NELL1: variants seen among roughly 807,000 people sequenced by gnomAD.
NELL1 encodes neural EGFL like 1, also known as protein kinase C-binding protein NELL1.
NELL1 carries 76 observed loss-of-function variants against 107.4 expected under a neutral mutation model. The observed-to-expected ratio is 0.71, with a 90% CI of 0.59 to 0.86. The LOEUF (loss-of-function observed/expected upper bound fraction) is 0.86, where lower values mean the gene tolerates loss of function less well. Among genes scored for constraint, NELL1 ranks in the 40% least tolerant of loss-of-function variants. The pLI is 0.00. For synonymous variants in NELL1, 353 were observed against 341.2 expected, an observed-to-expected ratio of 1.03 and a Z score of -0.38; for missense variants, 1,024 against 1,005.5, an observed-to-expected ratio of 1.02 and a Z score of -0.25.
intron 12 of NELL1, among the ~76,000 whole-genome samples, chr11:21,068,606 T>C (rs1853937429): frequency 6.6e-6 from 1 of 152,148 alleles, no homozygotes; most frequent in Non-Finnish European, 1.5e-5. Context: ...CACATAATAC[T>C]TGAAAACACA....
rs545617107 is a variant in NELL1 at position 21,118,554 on chromosome 11, A to G, written c.1426+4840A>G. On this transcript the variant is annotated intron_variant, in intron 13 of 19. Coordinates refer to ENST00000357134, the MANE Select transcript of NELL1 (RefSeq NM_006157.5). ...TTTGCCTGTGTAATAAATGAGGTGT[A>G]TGATAGATATCTGCCACTATAAAAT... 7.9e-5 allele frequency among the ~76,000 whole-genome samples: 12 copies of G among 152,192 alleles called. No homozygotes were observed. The South Asian group carries it at 2.1e-3, about 26-fold the overall frequency.
intron 2 of NELL1, among the ~76,000 whole-genome samples, chr11:20,750,562 AATTATTATT>A (rs113562957): frequency 1.0e-4 from 15 of 149,570 alleles, no homozygotes; most frequent in African/African-American, 2.0e-4. Flanking sequence ...TGTACCTCGG[AATTATTATT>A]ATTATTATTA....
At chr11:21,030,608 T>C (rs1852929288) in intron 12 of NELL1, among the ~76,000 whole-genome samples, 1 of 149,590 alleles carries the variant, frequency 6.7e-6, no homozygotes, top group Non-Finnish European at 1.5e-5. Context: ...TATTTTCTTA[T>C]GTTATTTTCT....
intron 14 of NELL1, among the ~76,000 whole-genome samples, chr11:21,265,633 G>T (rs1848620182): frequency 6.6e-6 from 1 of 151,970 alleles, no homozygotes; most frequent in African/African-American, 2.4e-5. Flanking sequence ...CATCCAATAA[G>T]TCTCAAGAGC....
At chr11:20,939,001 C>T (rs1200629259) in intron 10 of NELL1, among the ~76,000 whole-genome samples, 1 of 151,274 alleles carries the variant, frequency 6.6e-6, no homozygotes, top group Non-Finnish European at 1.5e-5. Flanking sequence ...CTGTGCATTT[C>T]CAAAGGTCAC....
chr11:20,928,391 A>G lies in NELL1; in HGVS notation c.909A>G (p.Glu303=). The G allele has an allele frequency of 6.2e-7, 1 of 1,613,918 alleles. No homozygotes were observed. The highest frequency in any genetic ancestry group is 8.5e-7 in the Non-Finnish European group (1 of 1,179,850). ...RNCTCKSGAV[E]CRRMSCPPLN... ...TCCTTCCTCAGAGTGGTGCCGTGGA[A>G]TGCCGAAGGATGTCCTGTCCCCCTC... Residue 303 remains glutamate (E), a synonymous_variant, in exon 9 of 20, where the codon GAA becomes GAG. Transcript: ENST00000357134.
At chr11:21,106,537 A>G (rs576838340) in intron 12 of NELL1, among the ~76,000 whole-genome samples, 3 of 152,182 alleles carry the variant, frequency 2.0e-5, no homozygotes, top group South Asian at 4.1e-4. Context: ...ACTTTTTATT[A>G]CCATTGGCCT....
chr11:21,247,570 A>G (rs889216308), intron 14 of NELL1, among the ~76,000 whole-genome samples: 12 of 152,138 alleles, frequency 7.9e-5, no homozygotes, highest in African/African-American at 2.7e-4. Context: ...GCACGCATGG[A>G]GGTGTCATCT....
chr11:21,326,928 G>A (rs573978791), intron 14 of NELL1, among the ~76,000 whole-genome samples: 130 of 151,896 alleles, frequency 8.6e-4, no homozygotes, highest in Admixed American at 1.5e-3. Flanking sequence ...TGTTTTCTAC[G>A]TCTTGTGTCC....
chr11:21,333,433 A>C (rs1159919017), intron 14 of NELL1, among the ~76,000 whole-genome samples: 1 of 152,100 alleles, frequency 6.6e-6, no homozygotes, highest in Non-Finnish European at 1.5e-5. Flanking sequence ...GAAAGATTAA[A>C]AGATGAAGAT....
chr11:21,158,683 A>C (rs116267989), intron 13 of NELL1, among the ~76,000 whole-genome samples: 1,539 of 152,288 alleles, frequency 0.01, 23 homozygotes, highest in African/African-American at 0.035. Context: ...CAGCCTTCAT[A>C]TCATATCTAC....
intron 15 of NELL1, among the ~76,000 whole-genome samples, chr11:21,475,330 A>G (rs964114000): frequency 6.6e-6 from 1 of 152,242 alleles, no homozygotes; most frequent in East Asian, 1.9e-4. Flanking sequence ...TATGTGCCAC[A>G]TGTCCCCAGC....
At position 20,935,460 on chromosome 11, in the gene NELL1, T is replaced by C. The variant is rs576393136; in HGVS notation, c.998-2326T>C. Reference sequence around the variant, plus strand: ...AGAGATAAAGCATGGCTAGAACATATGTGGAGGTGTGGATGTTTTGTAGGG... The same window carrying C: ...AGAGATAAAGCATGGCTAGAACATACGTGGAGGTGTGGATGTTTTGTAGGG... On this transcript the variant is annotated intron_variant, in intron 9 of 19. Coordinates refer to ENST00000357134, the MANE Select transcript of NELL1 (RefSeq NM_006157.5). Among the ~76,000 whole-genome samples the C allele has an allele frequency of 2.6e-5, 4 of 152,130 alleles. No individual in the cohort carries two copies. The East Asian group carries it at 7.8e-4, about 30-fold the overall frequency.
intron 13 of NELL1, among the ~76,000 whole-genome samples, chr11:21,130,641 T>G (rs990305791): frequency 2.0e-5 from 3 of 152,210 alleles, no homozygotes; most frequent in Non-Finnish European, 4.4e-5. Context: ...TGGTATTACA[T>G]TTTCCCTGCT....
chr11:21,251,562 C>T (rs939513771), intron 14 of NELL1, among the ~76,000 whole-genome samples: 3 of 151,938 alleles, frequency 2.0e-5, no homozygotes, highest in Non-Finnish European at 4.4e-5. Flanking sequence ...CCATCAACAG[C>T]AAGTGCAGAC....
At chr11:20,895,791 C>T (rs186586650) in intron 5 of NELL1, among the ~76,000 whole-genome samples, 23 of 152,222 alleles carry the variant, frequency 1.5e-4, no homozygotes, top group Admixed American at 6.5e-4. Context: ...CAGGCCTGAG[C>T]CACTGCGCCT....
At chr11:20,884,656 CT>C (rs1439173534) in intron 4 of NELL1, among the ~76,000 whole-genome samples, 43 of 152,156 alleles carry the variant, frequency 2.8e-4, no homozygotes, top group African/African-American at 1.0e-3. Context: ...TCGGTAGGCT[CT>C]GCTAGAAACT....
At chr11:21,304,559 C>G (rs747697804) in intron 14 of NELL1, among the ~76,000 whole-genome samples, 27 of 145,948 alleles carry the variant, frequency 1.8e-4, no homozygotes, top group Non-Finnish European at 2.7e-4. Flanking sequence ...AAATCAGCTT[C>G]TTTTGTCTGT....
At chr11:20,764,990 C>T (rs977343273) in intron 2 of NELL1, among the ~76,000 whole-genome samples, 2 of 152,000 alleles carry the variant, frequency 1.3e-5, no homozygotes, top group African/African-American at 4.8e-5. Context: ...AGCAAGATGT[C>T]TCTACAAAAT....
Sources: gnomAD v4.1 joint callset for allele counts (sites outside exome capture counted in the v4.1 genomes callset) on GRCh38, gnomAD v4.1.1 for gene constraint, MANE v1.5 for transcripts, NCBI Gene and HGNC (gene_info 2026-07-23, HGNC 2026-07-21) for gene names.